KCNS3: variants seen among roughly 807,000 people sequenced by gnomAD.
KCNS3 encodes the protein delayed-rectifier potassium channel regulatory subunit KCNS3.
A neutral mutation model predicts 31.0 loss-of-function variants in KCNS3; 13 were observed. The observed-to-expected ratio is 0.42, with a 90% CI of 0.27 to 0.67. KCNS3 has a LOEUF of 0.67. Ranked by LOEUF, KCNS3 falls within the 30% of genes least tolerant of loss-of-function variation. KCNS3 has a pLI of 0.25. For synonymous variants in KCNS3, 238 were observed against 241.5 expected, an observed-to-expected ratio of 0.99 and a Z score of 0.13; for missense variants, 545 against 622.4, an observed-to-expected ratio of 0.88 and a Z score of 1.32.
At chr2:17,905,464 C>T (rs980305553) in intron 1 of KCNS3, among the ~76,000 whole-genome samples, 300 of 152,300 alleles carry the variant, frequency 2.0e-3, no homozygotes, top group African/African-American at 6.8e-3. Context: ...CTTTCTCCTG[C>T]CTGATTGCCC....
chr2:17,904,484 T>G (rs1298901314), intron 1 of KCNS3, among the ~76,000 whole-genome samples: 1 of 152,090 alleles, frequency 6.6e-6, no homozygotes, highest in East Asian at 1.9e-4. Context: ...TTTGTCAATT[T>G]TGGCTTTTGT....
In KCNS3 at chr2:17,920,091, C is replaced by T. The variant is rs142781668; in HGVS notation, c.-60+2220C>T. Among the ~76,000 whole-genome samples, 559 of 152,160 alleles carry T rather than the reference C, an allele frequency of 3.7e-3. 3 individuals carry two copies. The highest frequency in any genetic ancestry group is 0.013 in the African/African-American group (519 of 41,502). On this transcript the variant is annotated intron_variant, in intron 2 of 2. Transcript: ENST00000304101. ...TTAAATTTAATAGAATAAAAGAAAA[C>T]TCTTAGAAGAATGTTCCAAAAAGAA...
intron 1 of KCNS3, among the ~76,000 whole-genome samples, chr2:17,898,813 T>G (rs1203812278): frequency 6.6e-6 from 1 of 152,200 alleles, no homozygotes; most frequent in Non-Finnish European, 1.5e-5. Context: ...AGGCTGGTCT[T>G]GCTCCAAGGT....
chr2:17,897,951 T>C (rs1662069954), intron 1 of KCNS3, among the ~76,000 whole-genome samples: 1 of 152,216 alleles, frequency 6.6e-6, no homozygotes, highest in Non-Finnish European at 1.5e-5. Flanking sequence ...TTTAAGACTT[T>C]AATCCATCTT....
At chr2:17,917,643 C>T (rs1662618657) in intron 1 of KCNS3, 37 bp from the exon 2 acceptor site, 1 of 152,606 alleles carries the variant, frequency 6.6e-6, no homozygotes, top group Non-Finnish European at 1.5e-5. Context: ...GTATTTCTTC[C>T]TTGCAGTTAC....
At chr2:17,913,346 G>A (rs939640178) in intron 1 of KCNS3, among the ~76,000 whole-genome samples, 6 of 152,224 alleles carry the variant, frequency 3.9e-5, no homozygotes, top group African/African-American at 9.6e-5. Context: ...TTGGAACTTC[G>A]GTCAGGAGTG....
At chr2:17,918,898 C>T (rs114809761) in intron 2 of KCNS3, among the ~76,000 whole-genome samples, 40 of 152,318 alleles carry the variant, frequency 2.6e-4, no homozygotes, top group African/African-American at 9.1e-4. Context: ...AACTCCCTCC[C>T]CTGGGCAGCA....
chr2:17,902,385 A>T (rs1662199464), intron 1 of KCNS3, among the ~76,000 whole-genome samples: 1 of 150,436 alleles, frequency 6.6e-6, no homozygotes, highest in African/African-American at 2.5e-5. Context: ...TTTTAATGTG[A>T]GTGACTTGAG....
chr2:17,932,166 C>T lies in KCNS3; in HGVS notation c.1158C>T (p.Ile386=), dbSNP rs202189909. 74 of 1,614,002 alleles carry T rather than the reference C, an allele frequency of 4.6e-5. No homozygotes were observed. Among genetic ancestry groups the T allele is most frequent in the East Asian group, 3.3e-4 (15 of 44,868 alleles). The change falls in exon 3 of 3, where the codon ATC becomes ATT. Residue 386 remains isoleucine, a synonymous_variant. Transcript: ENST00000304101. ...CGGTCACCTTGGCGGGAAAGCTCAT[C>T]GCCAGCACATGCATCATCTGTGGCA... ...THPVTLAGKL[I]ASTCIICGIL... is the part of the protein sequence containing the mutation.
chr2:17,927,547 C>G (rs1662865924), intron 2 of KCNS3, among the ~76,000 whole-genome samples: 1 of 152,158 alleles, frequency 6.6e-6, no homozygotes. Flanking sequence ...CTGAGGAAGC[C>G]TCAGGAAACT....
At chr2:17,900,038 G>C (rs1363292890) in intron 1 of KCNS3, among the ~76,000 whole-genome samples, 1 of 152,136 alleles carries the variant, frequency 6.6e-6, no homozygotes. Context: ...AGCGGGCGTG[G>C]TCTCTGTGGC....
At chr2:17,888,627 A>G (rs1445684888) in intron 1 of KCNS3, among the ~76,000 whole-genome samples, 31 of 57,712 alleles carry the variant, frequency 5.4e-4, no homozygotes, top group African/African-American at 1.8e-3. Flanking sequence ...AATAAAAAAA[A>G]TGTATATATA....
At chr2:17,879,212 A>G in intron 1 of KCNS3, among the ~76,000 whole-genome samples, 1 of 152,232 alleles carries the variant, frequency 6.6e-6, no homozygotes, top group Middle Eastern at 3.2e-3. Flanking sequence ...CACCTCGCGT[A>G]GGGGCATCCC....
intron 1 of KCNS3, among the ~76,000 whole-genome samples, chr2:17,889,245 T>C (rs1455665525): frequency 6.6e-6 from 1 of 152,182 alleles, no homozygotes; most frequent in East Asian, 1.9e-4. Flanking sequence ...TGTTGGTGTA[T>C]AGAAGAGCTA....
intron 1 of KCNS3, among the ~76,000 whole-genome samples, chr2:17,908,342 A>G (rs575339847): frequency 1.3e-5 from 2 of 152,280 alleles, no homozygotes; most frequent in African/African-American, 4.8e-5. Flanking sequence ...TACCCCGATT[A>G]TTCTCGTTAG....
intron 1 of KCNS3, among the ~76,000 whole-genome samples, chr2:17,884,097 G>A (rs1334104240): frequency 1.9e-5 from 2 of 106,430 alleles, no homozygotes; most frequent in Non-Finnish European, 3.6e-5. Flanking sequence ...CACACACCAG[G>A]GCCTGTTGTG....
At position 17,931,189 on chromosome 2, in the gene KCNS3, A is replaced by C; in HGVS notation, c.181A>C (p.Ser61Arg). 6.2e-7 allele frequency: 1 copy of C among 1,614,126 alleles called. No homozygotes were observed. The highest frequency in any genetic ancestry group is 8.5e-7 in the Non-Finnish European group (1 of 1,179,994). ...EAILELCDDY[S>R]VADKEYYFDR... ...CATTCTGGAGCTGTGTGATGATTACAGTGTGGCCGATAAGGAGTACTACTT... is the reference window on the plus strand; with the variant it reads ...CATTCTGGAGCTGTGTGATGATTACCGTGTGGCCGATAAGGAGTACTACTT... The change falls in exon 3 of 3, where the codon AGT becomes CGT. Residue 61 changes from serine to arginine, a missense_variant. Transcript: ENST00000304101. This position sits in a 1 kb window ranked among gnomAD's most constrained non-coding sequence, Gnocchi z 5.4.
At chr2:17,922,805 T>C (rs1236519470) in intron 2 of KCNS3, among the ~76,000 whole-genome samples, 1 of 152,230 alleles carries the variant, frequency 6.6e-6, no homozygotes, top group East Asian at 1.9e-4. Context: ...TTAGCATAAG[T>C]TTTCAAAGTT....
chr2:17,895,397 G>A (rs1483309878), intron 1 of KCNS3, among the ~76,000 whole-genome samples: 1 of 152,132 alleles, frequency 6.6e-6, no homozygotes, highest in African/African-American at 2.4e-5. Flanking sequence ...TCTACAACAT[G>A]TCAGGTGCTC....
Sources: allele counts gnomAD v4.1 joint callset (sites outside exome capture counted in the v4.1 genomes callset), GRCh38; gene constraint gnomAD v4.1.1; non-coding constraint Gnocchi (gnomAD v3.1); transcripts MANE v1.5; gene names NCBI Gene and HGNC (gene_info 2026-07-23, HGNC 2026-07-21).